The following PLEKHA6 variants were observed in gnomAD, a reference collection of about 807,000 sequenced individuals.
The protein encoded by PLEKHA6 is pleckstrin homology domain-containing family A member 6.
In PLEKHA6, 60 loss-of-function variants were observed where a neutral mutation model predicts 116.7. The observed-to-expected ratio is 0.51, with a 90% CI of 0.42 to 0.64. PLEKHA6 has a LOEUF of 0.64. Ranked by LOEUF, PLEKHA6 falls within the 30% of genes least tolerant of loss-of-function variation. The pLI, the probability that PLEKHA6 is intolerant of heterozygous loss-of-function variation, is 0.00. For missense variants in PLEKHA6, 1,338 were observed against 1,422.7 expected (o/e 0.94, Z 0.96); for synonymous variants, 489 against 556.1 (o/e 0.88, Z 1.70).
chr1:204,301,353 G>C (rs1670796061), intron 1 of PLEKHA6: 2 of 964,260 alleles, frequency 2.1e-6, no homozygotes, highest in Non-Finnish European at 2.5e-6. Flanking sequence ...ATGTTGGCAT[G>C]GGACAGGGGA....
chr1:204,248,754 G>T (rs1017683954), intron 12 of PLEKHA6, 67 bp downstream of exon 12: 19 of 1,447,204 alleles, frequency 1.3e-5, no homozygotes, highest in South Asian at 1.2e-5. Context: ...AGCACAAGCT[G>T]GGAGGTGGTG....
intron 1 of PLEKHA6, among the ~76,000 whole-genome samples, chr1:204,295,766 G>A (rs887180137): frequency 6.6e-6 from 1 of 152,098 alleles, no homozygotes; most frequent in Non-Finnish European, 1.5e-5. Flanking sequence ...CACAGCCCGA[G>A]AAGGAAAACA....
At chr1:204,364,660 C>T (rs1241316851), upstream of PLEKHA6, among the ~76,000 whole-genome samples, 1 of 152,144 alleles carries the variant, frequency 6.6e-6, no homozygotes, top group Non-Finnish European at 1.5e-5. Context: ...GATAATTAAA[C>T]AATATTGCCT....
intron 18 of PLEKHA6, among the ~76,000 whole-genome samples, chr1:204,229,875 A>C (rs1472006288): frequency 5.9e-5 from 9 of 152,344 alleles, no homozygotes; most frequent in Non-Finnish European, 1.5e-5. Context: ...CTCTGTACTT[A>C]ATAGCTGTGT....
intron 1 of PLEKHA6, chr1:204,275,106 G>A (rs1445472362): frequency 5.3e-6 from 1 of 189,782 alleles, no homozygotes; most frequent in African/African-American, 2.4e-5. Context: ...GTTATCCTAA[G>A]TGTGGGGAAG....
At position 204,247,425 on chromosome 1, in the gene PLEKHA6, G is replaced by A. The variant is rs138342507; in HGVS notation, c.1860C>T (p.Leu620=). 1,399 of 1,613,210 alleles carry A rather than the reference G, an allele frequency of 8.7e-4. 1 individual carries two copies. Among genetic ancestry groups the A allele is most frequent in the Non-Finnish European group, 1.1e-3 (1,269 of 1,179,336 alleles). Residue 620 remains leucine (L), a synonymous_variant, in exon 13 of 23, where the codon CTC becomes CTT. Coordinates refer to ENST00000272203, the MANE Select transcript of PLEKHA6 (RefSeq NM_014935.5). ...LTNSTIEYEH[L]ESEVSALHDD... ...CGTGCAGGGCAGAGACCTCAGACTC[G>A]AGGTGCTCATACTCTATGGTGCTGT... is the stretch of plus-strand genomic sequence containing the variant.
At position 204,220,161 on chromosome 1, in the gene PLEKHA6, T is replaced by TA. The variant is rs1269453704; in HGVS notation, c.*2626dup. ...AGTGCTGTTTGGCATAGGCTGCTGT[T>TA]ACGCTGTCTGCTCTTTCCAGCAGGC... On this transcript the variant is annotated 3_prime_UTR_variant, in exon 23 of 23. Transcript: ENST00000272203. The TA allele has an allele frequency of 6.6e-6, 1 of 152,284 alleles. No individual in the cohort carries two copies. Among genetic ancestry groups the TA allele is most frequent in the Non-Finnish European group, 1.5e-5 (1 of 68,068 alleles). The allele number at this position is 152,284 out of a possible 1,614,324, so 9.4% of individuals were successfully genotyped here.
chr1:204,374,716 TA>T (rs1190692015), intron 1 of PLEKHA6, among the ~76,000 whole-genome samples: 1 of 152,170 alleles, frequency 6.6e-6, no homozygotes, highest in Admixed American at 6.5e-5. Flanking sequence ...CTGTGTCTTC[TA>T]TAGTCTAAAC....
At chr1:204,345,364 A>T (rs1673000828) in intron 1 of PLEKHA6, among the ~76,000 whole-genome samples, 1 of 152,058 alleles carries the variant, frequency 6.6e-6, no homozygotes. Flanking sequence ...GACCACACAC[A>T]GCCCATCAGA....
upstream of PLEKHA6, among the ~76,000 whole-genome samples, chr1:204,360,154 G>T (rs762461921): frequency 6.6e-6 from 1 of 152,218 alleles, no homozygotes; most frequent in South Asian, 2.1e-4. Context: ...GGAGAAGGCT[G>T]CCCCCCAAAG....
At chr1:204,250,660 G>A (rs1664431106) in intron 9 of PLEKHA6, 46 bp from the exon 10 acceptor site, 12 of 1,305,100 alleles carry the variant, frequency 9.2e-6, no homozygotes, top group Non-Finnish European at 1.3e-5. Context: ...CAGGATGAGG[G>A]TATGCAGGGA....
At chr1:204,364,236 GGGAACTGTGAAAATA>G (rs1185729578), upstream of PLEKHA6, among the ~76,000 whole-genome samples, 1 of 152,268 alleles carries the variant, frequency 6.6e-6, no homozygotes, top group Admixed American at 6.5e-5. Context: ...AAACCTTTGT[GGGAACTGTGAAAATA>G]GGAACGAACG....
At chr1:204,298,758 T>C (rs1268863604) in intron 1 of PLEKHA6, among the ~76,000 whole-genome samples, 1 of 152,254 alleles carries the variant, frequency 6.6e-6, no homozygotes, top group Non-Finnish European at 1.5e-5. Flanking sequence ...CTACCCACTC[T>C]TGTGGTTACA....
At chr1:204,326,202 TC>T (rs1672238031) in intron 1 of PLEKHA6, among the ~76,000 whole-genome samples, 1 of 152,064 alleles carries the variant, frequency 6.6e-6, no homozygotes, top group Admixed American at 6.5e-5. Context: ...AGAGCCCGGC[TC>T]CAACAGTGCC....
Position 204,228,127 on chromosome 1 carries a change from CAGG to C in PLEKHA6, c.2984_2986del (p.Ser995del). ...GCGGGAGGCCTCGGTCGCCAGGGCG[CAGG>C]AGATTTCAATCCGCTTCTCCTGCTC... On this transcript the variant is annotated inframe_deletion, in exon 21 of 23. Transcript: ENST00000272203. This position sits in a 1 kb window ranked among gnomAD's most constrained non-coding sequence, Gnocchi z 4.0. The C allele has an allele frequency of 6.2e-7, 1 of 1,613,256 alleles. No homozygotes were observed. The highest frequency in any genetic ancestry group is 8.5e-7 in the Non-Finnish European group (1 of 1,179,516).
intron 3 of PLEKHA6, among the ~76,000 whole-genome samples, chr1:204,269,526 A>G (rs181971843): frequency 5.7e-4 from 85 of 149,120 alleles, no homozygotes; most frequent in Non-Finnish European, 4.4e-5. Context: ...TCAGCCCCAG[A>G]TGGCAGCTCC....
chr1:204,341,908 C>T (rs1015291574), intron 1 of PLEKHA6, among the ~76,000 whole-genome samples: 3 of 152,048 alleles, frequency 2.0e-5, no homozygotes, highest in South Asian at 2.1e-4. Flanking sequence ...CATGAGTGGC[C>T]GGGTGCAGTG....
At chr1:204,309,231 G>A (rs1671561152) in intron 1 of PLEKHA6, 1 of 171,562 alleles carries the variant, frequency 5.8e-6, no homozygotes, top group Non-Finnish European at 1.2e-5. Flanking sequence ...CAGGCTCCAA[G>A]CTTCAGTCCC....
chr1:204,237,573 C>T (rs1162025724), intron 17 of PLEKHA6, among the ~76,000 whole-genome samples: 2 of 152,182 alleles, frequency 1.3e-5, no homozygotes, highest in Non-Finnish European at 2.9e-5. Context: ...GCTGCCTGTA[C>T]CAGATGTGGT....
Sources: allele counts gnomAD v4.1 joint callset (sites outside exome capture counted in the v4.1 genomes callset), GRCh38; gene constraint gnomAD v4.1.1; non-coding constraint Gnocchi (gnomAD v3.1); transcripts MANE v1.5; gene names NCBI Gene and HGNC (gene_info 2026-07-23, HGNC 2026-07-21).